Variants in NRXN1 observed in about 807,000 individuals in gnomAD.
The protein encoded by NRXN1 is neurexin-1.
NRXN1 carries 39 observed loss-of-function variants against 150.9 expected under a neutral mutation model. That is an observed-to-expected ratio of 0.26 (90% confidence interval 0.20 to 0.34). The LOEUF (loss-of-function observed/expected upper bound fraction) is 0.34. NRXN1 is among the 10% of genes least tolerant of loss of function. The pLI is 1.00. For synonymous variants in NRXN1, 924 were observed against 757.0 expected, an observed-to-expected ratio of 1.22 and a Z score of -3.62; for missense variants, 1,815 against 1,949.9, an observed-to-expected ratio of 0.93 and a Z score of 1.30.
intron 2 of NRXN1, among the ~76,000 whole-genome samples, chr2:50,929,913 T>A (rs962729287): frequency 6.6e-6 from 1 of 152,010 alleles, no homozygotes; most frequent in East Asian, 1.9e-4. Context: ...GAGGAAATCA[T>A]TGAGACTGTG....
chr2:50,465,246 C>A (rs746189815), intron 17 of NRXN1, among the ~76,000 whole-genome samples, 196 bp downstream of exon 17: 10 of 151,816 alleles, frequency 6.6e-5, no homozygotes, highest in Non-Finnish European at 1.3e-4. Flanking sequence ...CAAAGAATCA[C>A]CATCATCACA....
intron 17 of NRXN1, among the ~76,000 whole-genome samples, chr2:50,251,182 C>A (rs115514727): frequency 6.6e-6 from 1 of 151,958 alleles, no homozygotes; most frequent in East Asian, 1.9e-4. Flanking sequence ...TGCTCTCTCT[C>A]CCCCTGGCTC....
chr2:50,191,690 TC>T (rs1226688115), intron 18 of NRXN1, among the ~76,000 whole-genome samples: 1 of 152,212 alleles, frequency 6.6e-6, no homozygotes, highest in Non-Finnish European at 1.5e-5. Context: ...TTATGTAACT[TC>T]TTCTGTTGGA....
chr2:50,209,439 G>T (rs550817897), intron 18 of NRXN1, among the ~76,000 whole-genome samples: 9 of 152,250 alleles, frequency 5.9e-5, no homozygotes, highest in African/African-American at 1.9e-4. Flanking sequence ...CATGACGTGG[G>T]TAGTATTGGA....
chr2:50,712,851 T>A (rs563781565), intron 5 of NRXN1, among the ~76,000 whole-genome samples: 1 of 152,296 alleles, frequency 6.6e-6, no homozygotes, highest in Non-Finnish European at 1.5e-5. Context: ...CTGAAATGCC[T>A]TGACATTATT....
In NRXN1 at chr2:50,982,524, A is replaced by G. The variant is rs139037677; in HGVS notation, c.772+44978T>C. Among the ~76,000 whole-genome samples, 5 of 152,236 alleles carry G rather than the reference A, an allele frequency of 3.3e-5. No homozygotes were observed. The East Asian group carries it at 9.7e-4, about 29-fold the overall frequency. On this transcript the variant is annotated intron_variant, in intron 2 of 22. Transcript: ENST00000401669. ...CTAACATTAACACAGCATATTACAT[A>G]TAGAAGGTGATTCGTAGATAGGGAG...
intron 5 of NRXN1, among the ~76,000 whole-genome samples, chr2:50,765,765 A>G (rs1171374202): frequency 6.6e-6 from 1 of 152,064 alleles, no homozygotes; most frequent in African/African-American, 2.4e-5. Flanking sequence ...GAAGCAGGTG[A>G]AAAACAATAA....
chr2:50,657,719 A>AAAGAAGTT (rs1485452079), intron 5 of NRXN1, among the ~76,000 whole-genome samples: 1 of 152,018 alleles, frequency 6.6e-6, no homozygotes, highest in East Asian at 1.9e-4. Flanking sequence ...AAAAGACAAA[A>AAAGAAGTT]AAGAAGTATA....
At position 50,746,559 on chromosome 2, in the gene NRXN1, AAACAAC is replaced by A. The variant is rs77543976; in HGVS notation, c.833-122950_833-122945del. Among the ~76,000 whole-genome samples the A allele has an allele frequency of 6.5e-3, 962 of 149,062 alleles. 8 individuals are homozygous for A. The highest frequency in any genetic ancestry group is 0.021 in the African/African-American group (827 of 40,310). ...GGCAACAGAGCAAGACCCTGTCTCA[AAACAAC>A]AACAACAACAACAACAACAACAACA... On this transcript the variant is annotated intron_variant, in intron 5 of 22. Transcript: ENST00000401669.
At chr2:50,493,436 G>C (rs924541238) in intron 15 of NRXN1, among the ~76,000 whole-genome samples, 1 of 152,150 alleles carries the variant, frequency 6.6e-6, no homozygotes, top group South Asian at 2.1e-4. Context: ...TAAAAGTGCT[G>C]TCCTTCTCTG....
At chr2:50,092,126 G>A (rs1441721778) in intron 18 of NRXN1, among the ~76,000 whole-genome samples, 3 of 152,112 alleles carry the variant, frequency 2.0e-5, no homozygotes, top group East Asian at 3.8e-4. Context: ...AGAGACGTAC[G>A]AAAACTAAAA....
At chr2:50,799,063 G>T (rs939995256) in intron 5 of NRXN1, among the ~76,000 whole-genome samples, 2 of 152,266 alleles carry the variant, frequency 1.3e-5, no homozygotes, top group South Asian at 2.1e-4. Flanking sequence ...TTTGGTATAA[G>T]CTGTCTATCT....
chr2:50,832,912 T>C (rs1488767486), intron 5 of NRXN1, among the ~76,000 whole-genome samples: 5 of 152,158 alleles, frequency 3.3e-5, no homozygotes, highest in Admixed American at 6.5e-5. Context: ...TATTTTCAAA[T>C]CACAAATCTG....
intron 19 of NRXN1, among the ~76,000 whole-genome samples, chr2:50,080,943 C>A (rs1697868200): frequency 6.6e-6 from 1 of 152,094 alleles, no homozygotes; most frequent in Admixed American, 6.5e-5. Flanking sequence ...ATCTCAATAT[C>A]CTCAAAGATC....
chr2:50,290,929 G>C (rs764397790), intron 17 of NRXN1, among the ~76,000 whole-genome samples: 1 of 152,058 alleles, frequency 6.6e-6, no homozygotes, highest in Non-Finnish European at 1.5e-5. Context: ...TTTCCAAACT[G>C]CATTTTTTCT....
chr2:50,055,569 C>T (rs1693464939), intron 19 of NRXN1, among the ~76,000 whole-genome samples: 1 of 152,096 alleles, frequency 6.6e-6, no homozygotes, highest in South Asian at 2.1e-4. Context: ...TTCTTATTCA[C>T]CTCATTTAAG....
chr2:50,651,522 A>G (rs62142334), intron 5 of NRXN1, among the ~76,000 whole-genome samples: 2,954 of 141,820 alleles, frequency 0.021, 60 homozygotes, highest in African/African-American at 0.049. Context: ...AACATGACAT[A>G]ACATAACATA....
chr2:50,118,678 T>C (rs531229313), intron 18 of NRXN1, among the ~76,000 whole-genome samples: 2 of 152,290 alleles, frequency 1.3e-5, no homozygotes, highest in African/African-American at 2.4e-5. Flanking sequence ...CTTTGAAAAC[T>C]ATAGTAATGA....
At chr2:50,262,201 A>G (rs2068357799) in intron 17 of NRXN1, among the ~76,000 whole-genome samples, 2 of 151,962 alleles carry the variant, frequency 1.3e-5, no homozygotes, top group South Asian at 2.1e-4. Flanking sequence ...ATGGCTGTGA[A>G]ACAACACAGT....
Sources: gnomAD v4.1 joint callset for allele counts (sites outside exome capture counted in the v4.1 genomes callset) on GRCh38, gnomAD v4.1.1 for gene constraint, MANE v1.5 for transcripts, NCBI Gene and HGNC (gene_info 2026-07-23, HGNC 2026-07-21) for gene names.